Variants in CTDSPL2 observed in about 807,000 individuals in gnomAD.
The protein encoded by CTDSPL2 is CTD small phosphatase like 2, also known as CTD small phosphatase-like protein 2.
In CTDSPL2, 5 loss-of-function variants were observed where a neutral mutation model predicts 60.0. That is an observed-to-expected ratio of 0.08 (90% CI 0.04 to 0.18). CTDSPL2 has a LOEUF of 0.18. Ranked by LOEUF, CTDSPL2 falls within the 10% of genes least tolerant of loss-of-function variation. The pLI, the probability that CTDSPL2 is intolerant of heterozygous loss-of-function variation, is 1.00. For synonymous variants in CTDSPL2, 186 were observed against 189.3 expected, an observed-to-expected ratio of 0.98 and a Z score of 0.14; for missense variants, 370 against 548.8, an observed-to-expected ratio of 0.67 and a Z score of 3.26.
chr15:44,509,993 CT>C (rs879514192), intron 8 of CTDSPL2, among the ~76,000 whole-genome samples: 77 of 144,570 alleles, frequency 5.3e-4, no homozygotes, highest in African/African-American at 4.5e-4. Context: ...TTCACAACAC[CT>C]TTTTTTTTTT....
intron 2 of CTDSPL2, among the ~76,000 whole-genome samples, chr15:44,465,355 C>CT (rs1483754396): frequency 6.6e-6 from 1 of 152,142 alleles, no homozygotes; most frequent in Non-Finnish European, 1.5e-5. Context: ...ACAAAATGAC[C>CT]TTTTCCTCTA....
At chr15:44,472,525 A>G (rs1595732974) in intron 2 of CTDSPL2, among the ~76,000 whole-genome samples, 3 of 146,902 alleles carry the variant, frequency 2.0e-5, no homozygotes. Context: ...TATTTTTATT[A>G]TTGAATTGTA....
At chr15:44,447,804 C>G (rs1163182472) in intron 1 of CTDSPL2, 1 of 152,880 alleles carries the variant, frequency 6.5e-6, no homozygotes, top group Non-Finnish European at 1.5e-5. Flanking sequence ...TTCCTGGCCA[C>G]CGCCAGGAGC....
rs975731713 is a variant in CTDSPL2, at chr15:44,528,628, GT to G, written c.*4457del. The G allele has an allele frequency of 1.3e-5, 2 of 151,804 alleles. No homozygotes were observed. The highest frequency in any genetic ancestry group is 2.9e-5 in the Non-Finnish European group (2 of 67,978). The allele number at this position is 151,804 out of a possible 1,614,324, so 9.4% of individuals were successfully genotyped here. A position where few individuals can be genotyped will look rare whatever the true frequency, so the allele number is the denominator to read the frequency against. ...TTTTTGTCTTTCATATTTTTTAAGG[GT>G]TTGCATTTCTAGGACTTGGAATAGT... is the stretch of plus-strand genomic sequence containing the variant. On this transcript the variant is annotated 3_prime_UTR_variant, in exon 13 of 13. Transcript: ENST00000260327.
At chr15:44,452,438 G>A (rs1368756396) in intron 1 of CTDSPL2, among the ~76,000 whole-genome samples, 1 of 151,916 alleles carries the variant, frequency 6.6e-6, no homozygotes, top group Non-Finnish European at 1.5e-5. Flanking sequence ...TTCTGTTTTG[G>A]GGCATTTTTG....
At chr15:44,515,119 G>C (rs188682256) in intron 10 of CTDSPL2, among the ~76,000 whole-genome samples, 2 of 152,110 alleles carry the variant, frequency 1.3e-5, no homozygotes, top group South Asian at 2.1e-4. Context: ...GGGTTGGGGG[G>C]GTTGTGTGGA....
chr15:44,474,913 A>G (rs1029952521), intron 2 of CTDSPL2, among the ~76,000 whole-genome samples: 1 of 152,130 alleles, frequency 6.6e-6, no homozygotes, highest in Non-Finnish European at 1.5e-5. Context: ...CAGTTACTAT[A>G]TACACCGTTG....
At chr15:44,523,344 C>T (rs1263750266) in intron 12 of CTDSPL2, among the ~76,000 whole-genome samples, 1 of 151,974 alleles carries the variant, frequency 6.6e-6, no homozygotes, top group Non-Finnish European at 1.5e-5. Context: ...TGCTTGAGGC[C>T]AGGAGTTTGA....
At chr15:44,430,214 G>A (rs2141246032) in intron 1 of CTDSPL2, among the ~76,000 whole-genome samples, 1 of 152,296 alleles carries the variant, frequency 6.6e-6, no homozygotes, top group South Asian at 2.1e-4. Context: ...GGATGTACTA[G>A]ATTCTGGATT....
At chr15:44,495,065 G>A (rs1306966798) in intron 5 of CTDSPL2, among the ~76,000 whole-genome samples, 3 of 152,080 alleles carry the variant, frequency 2.0e-5, no homozygotes, top group African/African-American at 4.8e-5. Context: ...TCTGCTTCCC[G>A]GGTTCAAGCG....
chr15:44,436,114 C>T (rs1278935328), intron 1 of CTDSPL2, among the ~76,000 whole-genome samples: 1 of 152,142 alleles, frequency 6.6e-6, no homozygotes, highest in Non-Finnish European at 1.5e-5. Context: ...GAAATGTAGA[C>T]TAAGTGGAAA....
intron 3 of CTDSPL2, among the ~76,000 whole-genome samples, chr15:44,485,134 G>C (rs1212387298): frequency 6.6e-6 from 1 of 152,146 alleles, no homozygotes; most frequent in South Asian, 2.1e-4. Context: ...ACTTGTGGAG[G>C]GGTGGCTACT....
At chr15:44,488,625 C>G (rs924305812) in intron 4 of CTDSPL2, among the ~76,000 whole-genome samples, 2 of 151,982 alleles carry the variant, frequency 1.3e-5, no homozygotes, top group Non-Finnish European at 2.9e-5. Flanking sequence ...CCAGCCTGAC[C>G]AACATGGAGA....
chr15:44,520,935 C>T (rs1251628192), intron 11 of CTDSPL2: 1 of 153,368 alleles, frequency 6.5e-6, no homozygotes, highest in Admixed American at 6.5e-5. Context: ...TTTCTATATT[C>T]TCTTTAGATT....
intron 1 of CTDSPL2, among the ~76,000 whole-genome samples, chr15:44,433,365 G>A (rs957743369): frequency 6.8e-6 from 1 of 148,072 alleles, no homozygotes; most frequent in African/African-American, 2.5e-5. Context: ...AAAAACAGCC[G>A]AAACAGTGTA....
intron 1 of CTDSPL2, chr15:44,428,204 C>G (rs2079786441): frequency 6.6e-6 from 1 of 152,290 alleles, no homozygotes; most frequent in Non-Finnish European, 1.5e-5. Context: ...GCTCTTATCT[C>G]AGTTCTTATA....
rs1232139482 is a variant in CTDSPL2, at chr15:44,524,692, T to C, written c.*518T>C. The C allele has an allele frequency of 6.5e-6, 1 of 152,794 alleles. No homozygotes were observed. The highest frequency in any genetic ancestry group is 1.5e-5 in the Non-Finnish European group (1 of 68,138). 9.5% of individuals were successfully genotyped at this position (152,794 alleles called of 1,614,324 possible). ...CCTGTATTAGATTAGAATTTCATTA[T>C]GCATTCCTTTTAGTTGAGGCGCTTC... is the stretch of plus-strand genomic sequence containing the variant. On this transcript the variant is annotated 3_prime_UTR_variant, in exon 13 of 13. Transcript: ENST00000260327.
chr15:44,497,352 A>G (rs1293371378), intron 7 of CTDSPL2, among the ~76,000 whole-genome samples: 1 of 152,088 alleles, frequency 6.6e-6, no homozygotes, highest in African/African-American at 2.4e-5. Context: ...CTTTTTATTA[A>G]TAGTCTCAAA....
Position 44,478,452 on chromosome 15 carries a change from CAAAAAAAAAAAAAAAA to C in CTDSPL2, c.187-5756_187-5741del, listed in dbSNP as rs61080056. On this transcript the variant is annotated intron_variant, in intron 2 of 12. Coordinates refer to ENST00000260327, the MANE Select transcript of CTDSPL2 (RefSeq NM_016396.3). ...GGGCAAGAAGAGCAAGACTCTGTCT[CAAAAAAAAAAAAAAAA>C]AAAAAAAAAAAAAAAGACTCATGAG... Among the ~76,000 whole-genome samples the C allele has an allele frequency of 3.7e-4, 14 of 37,994 alleles. No homozygotes were observed. In the South Asian group the frequency reaches 5.3e-3, roughly 14 times the overall value. The allele number at this position is 37,994 out of a possible 152,430, so 24.9% of individuals were successfully genotyped here. A position where few individuals can be genotyped will look rare whatever the true frequency, so the allele number is the denominator to read the frequency against.
Sources: gnomAD v4.1 joint callset for allele counts (sites outside exome capture counted in the v4.1 genomes callset) on GRCh38, gnomAD v4.1.1 for gene constraint, MANE v1.5 for transcripts, NCBI Gene and HGNC (gene_info 2026-07-23, HGNC 2026-07-21) for gene names.